ETV6: variants seen among roughly 807,000 people sequenced by gnomAD.
ETV6 encodes the protein ETS variant transcription factor 6, also known as transcription factor ETV6.
ETV6 carries 16 observed loss-of-function variants against 51.1 expected under a neutral mutation model. The observed-to-expected ratio is 0.31, with a 90% CI of 0.21 to 0.48. The LOEUF (loss-of-function observed/expected upper bound fraction) is 0.48, where lower values mean the gene tolerates loss of function less well. Among genes scored for constraint, ETV6 ranks in the 20% least tolerant of loss-of-function variants. ETV6 has a pLI of 0.99. For synonymous variants in ETV6, 240 were observed against 224.1 expected (o/e 1.07, Z -0.64); for missense variants, 458 against 594.8 (o/e 0.77, Z 2.39).
At chr12:11,820,819 G>A (rs1247199721) in intron 2 of ETV6, among the ~76,000 whole-genome samples, 2 of 152,202 alleles carry the variant, frequency 1.3e-5, no homozygotes, top group African/African-American at 4.8e-5. Flanking sequence ...AGAGTGACAT[G>A]ATGAAACTTA....
chr12:11,849,224 G>A (rs1946510364), intron 3 of ETV6, among the ~76,000 whole-genome samples: 1 of 152,024 alleles, frequency 6.6e-6, no homozygotes, highest in South Asian at 2.1e-4. Flanking sequence ...AATCCTCCCA[G>A]CTCAGCCTCC....
intron 1 of ETV6, among the ~76,000 whole-genome samples, chr12:11,740,905 T>C (rs1865794554): frequency 6.6e-6 from 1 of 152,180 alleles, no homozygotes; most frequent in African/African-American, 2.4e-5. Context: ...ATGTGGTTCA[T>C]TCAGGGATCT....
chr12:11,854,476 G>A (rs753704121), intron 4 of ETV6, among the ~76,000 whole-genome samples: 1 of 152,216 alleles, frequency 6.6e-6, no homozygotes, highest in South Asian at 2.1e-4. Context: ...CAAAGAAAAT[G>A]ACGTAAGGGT....
At chr12:11,830,469 A>G (rs1312961157) in intron 2 of ETV6, among the ~76,000 whole-genome samples, 2 of 152,240 alleles carry the variant, frequency 1.3e-5, no homozygotes, top group Non-Finnish European at 2.9e-5. Context: ...TGCCAGCTTT[A>G]GCTCCCTCGC....
intron 1 of ETV6, among the ~76,000 whole-genome samples, chr12:11,737,516 AG>A (rs1223185729): frequency 6.6e-6 from 1 of 152,242 alleles, no homozygotes; most frequent in Non-Finnish European, 1.5e-5. Flanking sequence ...GTTAGAGGCA[AG>A]CCTCTGAAAA....
At chr12:11,689,923 A>G (rs1045788061) in intron 1 of ETV6, among the ~76,000 whole-genome samples, 7 of 150,646 alleles carry the variant, frequency 4.6e-5, no homozygotes, top group African/African-American at 1.7e-4. Flanking sequence ...TATAACTTCT[A>G]GCAGAAGATA....
chr12:11,892,199 G>T lies in ETV6; in HGVS notation c.*1153G>T, dbSNP rs1009081745. 1 of 216,674 alleles carries T rather than the reference G, an allele frequency of 4.6e-6. No homozygotes were observed. The highest frequency in any genetic ancestry group is 8.7e-6 in the Non-Finnish European group (1 of 115,352). The allele number at this position is 216,674 out of a possible 1,614,324, so 13.4% of individuals were successfully genotyped here. A position where few individuals can be genotyped will look rare whatever the true frequency, so the allele number is the denominator to read the frequency against. On this transcript the variant is annotated 3_prime_UTR_variant, in exon 8 of 8. Coordinates refer to ENST00000396373, the MANE Select transcript of ETV6 (RefSeq NM_001987.5). The stretch of plus-strand genomic sequence containing the variant: ...AAGGCCATCTTGTGGTCAGTTTCAT[G>T]CCCTCACCTGATTTTTTTTTTTTTT...
At chr12:11,885,437 T>G (rs1947169326) in intron 6 of ETV6, among the ~76,000 whole-genome samples, 1 of 152,230 alleles carries the variant, frequency 6.6e-6, no homozygotes, top group African/African-American at 2.4e-5. Context: ...AACCACTGTA[T>G]TCTTGCTTCC....
At chr12:11,859,156 T>G (rs983578875) in intron 4 of ETV6, among the ~76,000 whole-genome samples, 1 of 79,494 alleles carries the variant, frequency 1.3e-5, no homozygotes, top group Non-Finnish European at 2.5e-5. Context: ...TTTTTTTTTT[T>G]TTTGAGAAGG....
intron 1 of ETV6, among the ~76,000 whole-genome samples, chr12:11,739,105 T>G (rs971337126): frequency 3.9e-5 from 6 of 152,126 alleles, no homozygotes; most frequent in Admixed American, 1.3e-4. Flanking sequence ...AAGACTTAAT[T>G]TGATGGAGCC....
intron 2 of ETV6, among the ~76,000 whole-genome samples, chr12:11,824,174 C>T (rs1946121158): frequency 6.6e-6 from 1 of 152,166 alleles, no homozygotes; most frequent in African/African-American, 2.4e-5. Context: ...AGAATCCCCA[C>T]GGAAGAGCAG....
chr12:11,680,149 T>C (rs898092308), intron 1 of ETV6, among the ~76,000 whole-genome samples: 1 of 152,224 alleles, frequency 6.6e-6, no homozygotes, highest in Admixed American at 6.5e-5. Flanking sequence ...CTCTGTACTT[T>C]GCAAGAGTAA....
At chr12:11,726,312 C>T (rs952539959) in intron 1 of ETV6, among the ~76,000 whole-genome samples, 3 of 152,204 alleles carry the variant, frequency 2.0e-5, no homozygotes. Context: ...CCTCAGGAAA[C>T]AGTACCAGAT....
At chr12:11,841,849 G>A (rs1474328607) in intron 3 of ETV6, among the ~76,000 whole-genome samples, 2 of 152,216 alleles carry the variant, frequency 1.3e-5, no homozygotes, top group East Asian at 1.9e-4. Flanking sequence ...TTGGGAGGCC[G>A]AGGCGGGCGG....
intron 2 of ETV6, 199 bp downstream of exon 2, chr12:11,752,778 G>A (rs1290379815): frequency 2.0e-6 from 1 of 506,088 alleles, no homozygotes. Flanking sequence ...GTTTCTCAGT[G>A]TATTCATTTC....
intron 1 of ETV6, among the ~76,000 whole-genome samples, chr12:11,728,040 G>A (rs900782317): frequency 3.3e-5 from 5 of 152,036 alleles, no homozygotes; most frequent in Non-Finnish European, 5.9e-5. Flanking sequence ...GGCGGTTCTC[G>A]AACTCCTGAC....
chr12:11,673,824 G>A (rs1455747764), intron 1 of ETV6, among the ~76,000 whole-genome samples: 2 of 152,066 alleles, frequency 1.3e-5, no homozygotes, highest in Non-Finnish European at 1.5e-5. Flanking sequence ...CCTTTCCCCC[G>A]AGTTAGTCAA....
At chr12:11,661,991 A>G (rs1015074239) in intron 1 of ETV6, among the ~76,000 whole-genome samples, 4 of 152,162 alleles carry the variant, frequency 2.6e-5, no homozygotes, top group Non-Finnish European at 5.9e-5. Context: ...GTGCTGTAAG[A>G]GTATCTTTAA....
At chr12:11,772,333 A>C (rs751817352) in intron 2 of ETV6, among the ~76,000 whole-genome samples, 8 of 152,254 alleles carry the variant, frequency 5.3e-5, no homozygotes, top group Non-Finnish European at 1.0e-4. Context: ...ACAGTGATAT[A>C]GTTCGGTAAT....
Sources: gnomAD v4.1 joint callset for allele counts (sites outside exome capture counted in the v4.1 genomes callset) on GRCh38, gnomAD v4.1.1 for gene constraint, MANE v1.5 for transcripts, NCBI Gene and HGNC (gene_info 2026-07-23, HGNC 2026-07-21) for gene names.